The following IGSF9B variants were observed in gnomAD, a reference collection of about 807,000 sequenced individuals.
IGSF9B encodes immunoglobulin superfamily member 9B, also known as protein turtle homolog B.
Under a neutral mutation model 143.7 loss-of-function variants are expected in IGSF9B, and 48 were observed. The observed-to-expected ratio is 0.33, with a 90% CI of 0.26 to 0.42. The LOEUF (loss-of-function observed/expected upper bound fraction) is 0.42, where lower values mean the gene tolerates loss of function less well. Ranked by LOEUF, IGSF9B falls within the 20% of genes least tolerant of loss-of-function variation. The pLI, the probability that IGSF9B is intolerant of heterozygous loss-of-function variation, is 1.00. For missense variants in IGSF9B, 1,706 were observed against 1,980.0 expected, an observed-to-expected ratio of 0.86 and a Z score of 2.63; for synonymous variants, 903 against 833.1, an observed-to-expected ratio of 1.08 and a Z score of -1.44.
At position 133,909,942 on chromosome 11, in the gene IGSF9B, A is replaced by T; in HGVS notation, c.4106-665T>A. 6.6e-6 allele frequency among the ~76,000 whole-genome samples: 1 copy of T among 152,258 alleles called. No homozygotes were observed. The highest frequency in any genetic ancestry group is 1.9e-4 in the East Asian group (1 of 5,204). On this transcript the variant is annotated intron_variant, in intron 19 of 19. Transcript: ENST00000533871. The surrounding 1 kb of genome is among the most constrained non-coding windows in gnomAD (Gnocchi z 4.2). Reference sequence around the variant, plus strand: ...CTACTCCGCTCCTTAAAGGGTTAACACTTGAATTGCATCTTAAATTATGAG... The same window carrying T: ...CTACTCCGCTCCTTAAAGGGTTAACTCTTGAATTGCATCTTAAATTATGAG...
In IGSF9B at chr11:133,906,918, C is replaced by G. The variant is rs532241865; in HGVS notation, c.*2151G>C. The stretch of plus-strand genomic sequence containing the variant: ...CCTCAGGTAAGCCGGCTCCCGTCAT[C>G]CCCCAGGAGAGACGCCCAAGTGAGC... On this transcript the variant is annotated 3_prime_UTR_variant, in exon 20 of 20. Transcript: ENST00000533871. Among the ~76,000 whole-genome samples the G allele has an allele frequency of 8.5e-5, 13 of 152,246 alleles. No individual in the cohort carries two copies. The highest frequency in any genetic ancestry group is 3.1e-4 in the African/African-American group (13 of 41,544).
Position 133,908,224 on chromosome 11 carries a change from G to A in IGSF9B, c.*845C>T, listed in dbSNP as rs566234899. On this transcript the variant is annotated 3_prime_UTR_variant, in exon 20 of 20. Coordinates refer to ENST00000533871, the MANE Select transcript of IGSF9B (RefSeq NM_001277285.4). ...CCTCTACTCCTGCAGCGTGAGCCAC[G>A]CTGGAAGGAAGAAAGATGCAGGTCT... Among the ~76,000 whole-genome samples the A allele has an allele frequency of 4.4e-4, 67 of 152,290 alleles. No individual in the cohort carries two copies. The highest frequency in any genetic ancestry group is 1.6e-3 in the African/African-American group (65 of 41,564).
In IGSF9B at chr11:133,938,759, C is replaced by T. The variant is rs571677936; in HGVS notation, c.410-798G>A. ...CCGGAGGCCCACGGCACTAGGCTGG[C>T]GCAGGTCAAGCTGAGCTCATCTCAA... is the stretch of plus-strand genomic sequence containing the variant. On this transcript the variant is annotated intron_variant, in intron 3 of 19. Coordinates refer to ENST00000533871, the MANE Select transcript of IGSF9B (RefSeq NM_001277285.4). Among the ~76,000 whole-genome samples the T allele has an allele frequency of 5.9e-5, 9 of 152,202 alleles. No homozygotes were observed. The South Asian group carries it at 6.2e-4, about 11-fold the overall frequency.
chr11:133,925,315 T>G (rs909820871), intron 14 of IGSF9B, among the ~76,000 whole-genome samples: 34 of 152,312 alleles, frequency 2.2e-4, no homozygotes, highest in African/African-American at 7.2e-4. Flanking sequence ...AAAGAGATAA[T>G]GCACTTTCTT....
In IGSF9B at chr11:133,946,237, T is replaced by C. The variant is rs1940049209; in HGVS notation, c.86A>G (p.Glu29Gly). ...AAEGAHGLRE[E>G]PEFVTARAGE... ...AGCTCTTGCCGTCACAAACTCGGGC[T>C]CCTCTCGCAGGCCGTGGGCGCCTGA... is the stretch of plus-strand genomic sequence containing the variant. Residue 29 changes from glutamate (E) to glycine (G), a missense_variant, in exon 2 of 20, where the codon GAG becomes GGG. Coordinates refer to ENST00000533871, the MANE Select transcript of IGSF9B (RefSeq NM_001277285.4). The C allele has an allele frequency of 2.5e-6, 4 of 1,613,456 alleles. No homozygotes were observed. Among genetic ancestry groups the C allele is most frequent in the African/African-American group, 1.3e-5 (1 of 74,988 alleles).
rs1330485092 is a variant in IGSF9B, at chr11:133,905,658, G to A, written c.*3411C>T. Among the ~76,000 whole-genome samples the A allele has an allele frequency of 6.6e-6, 1 of 152,200 alleles. No homozygotes were observed. The highest frequency in any genetic ancestry group is 1.9e-4 in the East Asian group (1 of 5,194). The stretch of plus-strand genomic sequence containing the variant: ...AGGAGGGCACAGACCCCGCCAGCCT[G>A]CTGGGAAAAAGGCGTCCTTCCTGCT... On this transcript the variant is annotated 3_prime_UTR_variant, in exon 20 of 20. Coordinates refer to ENST00000533871, the MANE Select transcript of IGSF9B (RefSeq NM_001277285.4). This position sits in a 1 kb window ranked among gnomAD's most constrained non-coding sequence, Gnocchi z 4.0.
At chr11:133,917,384 G>C (rs1280860888) in intron 18 of IGSF9B, among the ~76,000 whole-genome samples, 2 of 152,096 alleles carry the variant, frequency 1.3e-5, no homozygotes, top group African/African-American at 4.8e-5. Flanking sequence ...GGGGCAGGGG[G>C]AGGGACACAG....
chr11:133,928,188 A>G lies in IGSF9B; in HGVS notation c.1632-1097T>C, dbSNP rs1298658156. ...CCAGACCTCCCACCCAGGCATCTCC[A>G]AAGACAGCTTGACCACACCAAATGT... On this transcript the variant is annotated intron_variant, in intron 12 of 19. Coordinates refer to ENST00000533871, the MANE Select transcript of IGSF9B (RefSeq NM_001277285.4). The surrounding 1 kb of genome is among the most constrained non-coding windows in gnomAD (Gnocchi z 4.7). 6.6e-6 allele frequency among the ~76,000 whole-genome samples: 1 copy of G among 152,084 alleles called. No homozygotes were observed. The highest frequency in any genetic ancestry group is 1.5e-5 in the Non-Finnish European group (1 of 68,004).
At chr11:133,922,292 A>T in intron 16 of IGSF9B, 70 bp from the exon 17 acceptor site, 3 of 1,375,066 alleles carry the variant, frequency 2.2e-6, no homozygotes, top group East Asian at 4.8e-5. Context: ...GCATCTGCAG[A>T]GGCTGACAGA....
chr11:133,912,085 A>C (rs1299906085), intron 18 of IGSF9B, 78 bp from the exon 19 acceptor site: 14 of 1,454,272 alleles, frequency 9.6e-6, no homozygotes, highest in African/African-American at 1.4e-5. Flanking sequence ...AAGAAAGCCA[A>C]GTAGCTGACC....
In IGSF9B at chr11:133,928,446, C is replaced by G. The variant is rs1939668447; in HGVS notation, c.1631+1225G>C. 6.6e-6 allele frequency among the ~76,000 whole-genome samples: 1 copy of G among 152,222 alleles called. No individual in the cohort carries two copies. The highest frequency in any genetic ancestry group is 2.1e-4 in the South Asian group (1 of 4,826). On this transcript the variant is annotated intron_variant, in intron 12 of 19. Transcript: ENST00000533871. This position sits in a 1 kb window ranked among gnomAD's most constrained non-coding sequence, Gnocchi z 4.7. ...GATGGGAGACAGAGCGGGTGCCCCTCTCAACTTCCCTCGCTGCTGAGAAGT... is the reference window on the plus strand; with the variant it reads ...GATGGGAGACAGAGCGGGTGCCCCTGTCAACTTCCCTCGCTGCTGAGAAGT...
chr11:133,936,298 A>T (rs530834219), intron 5 of IGSF9B, 104 bp from the exon 6 acceptor site: 1 of 1,002,126 alleles, frequency 1.0e-6, no homozygotes, highest in East Asian at 2.6e-5. Context: ...TGCCCTGAAC[A>T]CTGCGATGGG....
chr11:133,923,025 T>C (rs1194603460), intron 15 of IGSF9B, among the ~76,000 whole-genome samples: 2 of 152,248 alleles, frequency 1.3e-5, no homozygotes, highest in African/African-American at 4.8e-5. Flanking sequence ...GGTTTTGCCT[T>C]CTGCAAAGCA....
At chr11:133,934,939 T>C (rs1181791592) in intron 7 of IGSF9B, among the ~76,000 whole-genome samples, 2 of 152,214 alleles carry the variant, frequency 1.3e-5, no homozygotes, top group Admixed American at 1.3e-4. Flanking sequence ...AAGGAAGATA[T>C]TACTCCTCAT....
Position 133,911,903 on chromosome 11 carries a change from T to G in IGSF9B, c.4088A>C (p.Lys1363Thr). ...TCATTTACCGGATCGTTTCTTTGAC[T>G]TCGAAGAGCCCTTGGATGACTTTTT... ...KPKKSSKGSS[K>T]SKKRSDDSAS... The change falls in exon 19 of 20, where the codon AAG (lysine) becomes ACG (threonine). Residue 1363 changes from lysine (K) to threonine (T), a missense_variant. Lys to Thr is a moderately conservative substitution (Grantham distance 78). This residue lies in a region of IGSF9B where 880 missense variants were observed against 762.9 expected (regional missense o/e 1.15). Coordinates refer to ENST00000533871, the MANE Select transcript of IGSF9B (RefSeq NM_001277285.4). 6.5e-7 allele frequency: 1 copy of G among 1,531,362 alleles called. No homozygotes were observed. The highest frequency in any genetic ancestry group is 8.7e-7 in the Non-Finnish European group (1 of 1,145,466). The allele number at this position is 1,531,362 out of a possible 1,614,324, so 94.9% of individuals were successfully genotyped here. A position where few individuals can be genotyped will look rare whatever the true frequency, so the allele number is the denominator to read the frequency against.
Position 133,902,452 on chromosome 11 carries a change from C to CACCACACACACGCACACCACACACAT in IGSF9B, c.*6616_*6617insATGTGTGTGGTGTGCGTGTGTGTGGT. Among the ~76,000 whole-genome samples the CACCACACACACGCACACCACACACAT allele has an allele frequency of 6.8e-6, 1 of 146,402 alleles. No individual in the cohort carries two copies. The highest frequency in any genetic ancestry group is 6.8e-5 in the Admixed American group (1 of 14,644). On this transcript the variant is annotated 3_prime_UTR_variant, in exon 20 of 20. Transcript: ENST00000533871. ...CCACACCACACACACCACCCAGACA[C>CACCACACACACGCACACCACACACAT]ACCACACACAGATACACACACCACA...
chr11:133,918,794 G>A (rs1244215453), intron 18 of IGSF9B, among the ~76,000 whole-genome samples: 1 of 143,158 alleles, frequency 7.0e-6, no homozygotes, highest in Non-Finnish European at 1.5e-5. Flanking sequence ...GAGACCAAAG[G>A]ACGGAGCCAG....
At chr11:133,922,772 CG>C in intron 15 of IGSF9B, 42 bp from the exon 16 acceptor site, 1 of 1,513,476 alleles carries the variant, frequency 6.6e-7, no homozygotes. Flanking sequence ...CATCCTTCCC[CG>C]GGACCTCACC....
chr11:133,931,449 G>C lies in IGSF9B; in HGVS notation c.1368+4C>G. Reference sequence around the variant, plus strand: ...GCAGACCCAGGGCTCCAGGGCCCAGGTACCTTTCTCCAAGTGATGACAGGA... The same window carrying C: ...GCAGACCCAGGGCTCCAGGGCCCAGCTACCTTTCTCCAAGTGATGACAGGA... On this transcript the variant is annotated splice_donor_region_variant and intron_variant, in intron 10 of 19. Transcript: ENST00000533871. The surrounding 1 kb of genome is among the most constrained non-coding windows in gnomAD (Gnocchi z 7.7). 6.2e-7 allele frequency: 1 copy of C among 1,603,760 alleles called. No homozygotes were observed. Among genetic ancestry groups the C allele is most frequent in the Non-Finnish European group, 8.5e-7 (1 of 1,171,522 alleles).
Sources: allele counts gnomAD v4.1 joint callset (sites outside exome capture counted in the v4.1 genomes callset), GRCh38; gene constraint gnomAD v4.1.1; regional missense constraint gnomAD v4.1.1; non-coding constraint Gnocchi (gnomAD v3.1); transcripts MANE v1.5; gene names NCBI Gene and HGNC (gene_info 2026-07-23, HGNC 2026-07-21).